PSMC3IP: variants seen among roughly 807,000 people sequenced by gnomAD.
The protein encoded by PSMC3IP is homologous-pairing protein 2 homolog.
In PSMC3IP, 26 loss-of-function variants were observed where a neutral mutation model predicts 34.9. The observed-to-expected ratio is 0.74, with a 90% CI of 0.55 to 1.03. PSMC3IP has a LOEUF of 1.03. Among genes scored for constraint, PSMC3IP ranks in the 50% least tolerant of loss-of-function variants. The probability of loss-of-function intolerance (pLI) is 0.00; values close to 1 mark genes in which losing one functional copy is unlikely to be tolerated. For synonymous variants in PSMC3IP, 87 were observed against 96.5 expected (o/e 0.90, Z 0.57); for missense variants, 250 against 263.1 (o/e 0.95, Z 0.34).
chr17:42,577,753 G>C (rs1380295350), upstream of PSMC3IP: 10 of 1,594,700 alleles, frequency 6.3e-6, no homozygotes, highest in African/African-American at 1.1e-4. Context: ...GCTCCTTCCG[G>C]CGACGGGGGC....
chr17:42,573,237 T>C, intron 6 of PSMC3IP, 71 bp from the exon 7 acceptor site: 1 of 1,614,074 alleles, frequency 6.2e-7, no homozygotes, highest in Non-Finnish European at 8.5e-7. Flanking sequence ...TATGATATTG[T>C]GTAGCGGCTG....
rs2093081469 is a variant in PSMC3IP, at chr17:42,577,271, T to G, written c.167A>C (p.Gln56Pro). The G allele has an allele frequency of 1.9e-6, 3 of 1,614,122 alleles. No homozygotes were observed. In the East Asian group the frequency reaches 6.7e-5, roughly 36 times the overall value. Residue 56 changes from glutamine (Q) to proline (P), a missense_variant, in exon 3 of 8, where the codon CAA (glutamine) becomes CCA (proline). Gln to Pro is a moderately conservative substitution (Grantham distance 76, BLOSUM62 -1). Transcript: ENST00000393795. ...CATCTTCTCTTTGATCTTGCCTTGT[T>G]GCGCCAGCTGCTCCAGCGTCTTCAC... ...VVVKTLEQLA[Q>P]QGKIKEKMYG...
chr17:42,577,032 A>C, intron 3 of PSMC3IP, 181 bp downstream of exon 3: 2 of 1,425,910 alleles, frequency 1.4e-6, no homozygotes, highest in Non-Finnish European at 9.4e-7. Context: ...TCATATTGTA[A>C]ATCTGGAAAC....
At chr17:42,573,066 A>AAG (rs1200284655) in intron 7 of PSMC3IP, 41 bp downstream of exon 7, 29 of 1,614,160 alleles carry the variant, frequency 1.8e-5, no homozygotes, top group Non-Finnish European at 2.5e-5. Flanking sequence ...TCACCAGGAT[A>AAG]AGACCACAGG....
At chr17:42,575,157 G>A (rs1021071072) in intron 3 of PSMC3IP, among the ~76,000 whole-genome samples, 2 of 152,184 alleles carry the variant, frequency 1.3e-5, no homozygotes, top group African/African-American at 4.8e-5. Flanking sequence ...TGGGGGTGGG[G>A]GAGGTCACAT....
At position 42,577,644 on chromosome 17, in the gene PSMC3IP, C is replaced by G; in HGVS notation, c.34+9G>C. The G allele has an allele frequency of 6.2e-7, 1 of 1,614,160 alleles. No individual in the cohort carries two copies. Among genetic ancestry groups the G allele is most frequent in the African/African-American group, 1.3e-5 (1 of 75,068 alleles). The stretch of plus-strand genomic sequence containing the variant: ...TCCCGGGTCTTCCCCGCGCCCACGG[C>G]GCCGTTACCTCCCGCCGCAGCTTCT... On this transcript the variant is annotated intron_variant, in intron 1 of 7. Transcript: ENST00000393795.
In PSMC3IP at chr17:42,572,732, A is replaced by G. The variant is rs2093041853; in HGVS notation, c.*236T>C. ...TCCTTTAGCATTGTTCCAAGTCTAA[A>G]TGTTAACCTCAAGCTACTGCAATTT... On this transcript the variant is annotated 3_prime_UTR_variant, in exon 8 of 8. Coordinates refer to ENST00000393795, the MANE Select transcript of PSMC3IP (RefSeq NM_016556.4). The G allele has an allele frequency of 1.6e-6, 1 of 642,436 alleles. No homozygotes were observed. The highest frequency in any genetic ancestry group is 1.8e-5 in the African/African-American group (1 of 55,866). 39.8% of individuals were successfully genotyped at this position (642,436 alleles called of 1,614,324 possible). A position where few individuals can be genotyped will look rare whatever the true frequency, so the allele number is the denominator to read the frequency against.
At position 42,574,221 on chromosome 17, in the gene PSMC3IP, A is replaced by C; in HGVS notation, c.226-11T>G. On this transcript the variant is annotated splice_polypyrimidine_tract_variant and intron_variant, in intron 3 of 7. Transcript: ENST00000393795. ...CATGTCAAACTGGTCCTGCCAGACA[A>C]AGAGGGAAAATACAAGTGAACTGTT... The C allele has an allele frequency of 1.2e-6, 2 of 1,612,916 alleles. No individual in the cohort carries two copies. Among genetic ancestry groups the C allele is most frequent in the Non-Finnish European group, 1.7e-6 (2 of 1,179,412 alleles).
In PSMC3IP at chr17:42,572,757, T is replaced by C. The variant is rs1425267685; in HGVS notation, c.*211A>G. 5 of 683,638 alleles carry C rather than the reference T, an allele frequency of 7.3e-6. No individual in the cohort carries two copies. In the East Asian group the frequency reaches 1.4e-4, roughly 19 times the overall value. The allele number at this position is 683,638 out of a possible 1,614,324, so 42.3% of individuals were successfully genotyped here. A position where few individuals can be genotyped will look rare whatever the true frequency, so the allele number is the denominator to read the frequency against. ...ATGTTAACCTCAAGCTACTGCAATT[T>C]AGACAATGAAATGGGCTGGGTCTAC... is the stretch of plus-strand genomic sequence containing the variant. On this transcript the variant is annotated 3_prime_UTR_variant, in exon 8 of 8. Transcript: ENST00000393795.
intron 3 of PSMC3IP, 73 bp downstream of exon 3, chr17:42,577,140 A>C (rs775366413): frequency 4.4e-6 from 7 of 1,608,600 alleles, no homozygotes; most frequent in Non-Finnish European, 5.9e-6. Flanking sequence ...TTGTCCCCAA[A>C]GAGTTCACAC....
Position 42,577,648 on chromosome 17 carries a change from G to T in PSMC3IP, c.34+5C>A. The stretch of plus-strand genomic sequence containing the variant: ...GGGTCTTCCCCGCGCCCACGGCGCC[G>T]TTACCTCCCGCCGCAGCTTCTGCCC... On this transcript the variant is annotated splice_donor_5th_base_variant and intron_variant, in intron 1 of 7. Coordinates refer to ENST00000393795, the MANE Select transcript of PSMC3IP (RefSeq NM_016556.4). 6.2e-7 allele frequency: 1 copy of T among 1,614,148 alleles called. No homozygotes were observed. Among genetic ancestry groups the T allele is most frequent in the East Asian group, 2.2e-5 (1 of 44,882 alleles).
intron 4 of PSMC3IP, 131 bp downstream of exon 4, chr17:42,573,968 C>T: frequency 6.5e-7 from 1 of 1,542,086 alleles, no homozygotes; most frequent in Non-Finnish European, 8.7e-7. Flanking sequence ...CTTTTTATGC[C>T]TAAGGGAGCC....
chr17:42,576,063 G>GA (rs1555627391), intron 3 of PSMC3IP, among the ~76,000 whole-genome samples: 1 of 152,104 alleles, frequency 6.6e-6, no homozygotes, highest in Non-Finnish European at 1.5e-5. Context: ...ATAAGGGCCT[G>GA]AAAAAGAAAC....
intron 4 of PSMC3IP, 105 bp downstream of exon 4, chr17:42,573,994 A>G (rs1473790662): frequency 6.4e-7 from 1 of 1,556,452 alleles, no homozygotes; most frequent in Non-Finnish European, 8.7e-7. Context: ...AAGGGGTCTT[A>G]GCTGCAACAA....
intron 3 of PSMC3IP, 123 bp downstream of exon 3, chr17:42,577,090 G>C: frequency 5.1e-6 from 8 of 1,554,678 alleles, no homozygotes; most frequent in Middle Eastern, 1.7e-4. Context: ...CTTGATTTAA[G>C]GATGGTGGCC....
chr17:42,574,679 CTCCTTCCT>C (rs771876501), intron 3 of PSMC3IP, among the ~76,000 whole-genome samples: 1 of 136,348 alleles, frequency 7.3e-6, no homozygotes. Flanking sequence ...TCCTCTCTCC[CTCCTTCCT>C]TCCTTCCTTT....
At position 42,574,963 on chromosome 17, in the gene PSMC3IP, AG is replaced by A. The variant is rs964864959; in HGVS notation, c.226-754del. On this transcript the variant is annotated intron_variant, in intron 3 of 7. Transcript: ENST00000393795. ...GAGAAGGGGTTTCACCACGTTGCCC[AG>A]GCTGGTCTCAAACTCCTGGGCTCAA... Among the ~76,000 whole-genome samples, 12 of 152,350 alleles carry A rather than the reference AG, an allele frequency of 7.9e-5. No homozygotes were observed. In the South Asian group the frequency reaches 1.2e-3, roughly 16 times the overall value.
Position 42,577,190 on chromosome 17 carries a change from C to A in PSMC3IP, c.225+23G>T, listed in dbSNP as rs752627572. On this transcript the variant is annotated intron_variant, in intron 3 of 7. Transcript: ENST00000393795. ...CCCGTTGTCGGGCTCTCATGGGTGA[C>A]AATCGGCGCAAGTTCTCCTCACCTG... is the stretch of plus-strand genomic sequence containing the variant. 23 of 1,613,960 alleles carry A rather than the reference C, an allele frequency of 1.4e-5. No homozygotes were observed. In the African/African-American group the frequency reaches 2.9e-4, roughly 21 times the overall value.
chr17:42,573,698 G>A, intron 4 of PSMC3IP, 75 bp from the exon 5 acceptor site: 1 of 1,576,466 alleles, frequency 6.3e-7, no homozygotes, highest in Non-Finnish European at 8.7e-7. Context: ...GGTGCTCCCT[G>A]AGGTGTTCCA....
Sources: gnomAD v4.1 joint callset for allele counts (sites outside exome capture counted in the v4.1 genomes callset) on GRCh38, gnomAD v4.1.1 for gene constraint, MANE v1.5 for transcripts, NCBI Gene and HGNC (gene_info 2026-07-23, HGNC 2026-07-21) for gene names.